Variants in ENOX1 observed in about 807,000 individuals in gnomAD.
ENOX1 encodes candidate growth-related and time keeping constitutive hydroquinone (NADH) oxidase.
Under a neutral mutation model 82.5 loss-of-function variants are expected in ENOX1, and 42 were observed. The observed-to-expected ratio is 0.51, with a 90% CI of 0.40 to 0.66. ENOX1 has a LOEUF of 0.66. ENOX1 is among the 30% of genes least tolerant of loss of function. The pLI is 0.00. For synonymous variants in ENOX1, 271 were observed against 282.2 expected (o/e 0.96, Z 0.40); for missense variants, 608 against 811.6 (o/e 0.75, Z 3.05).
At chr13:43,674,840 G>A (rs1254342500) in intron 1 of ENOX1, among the ~76,000 whole-genome samples, 1 of 152,104 alleles carries the variant, frequency 6.6e-6, no homozygotes, top group Non-Finnish European at 1.5e-5. Context: ...TGGGTTGTGG[G>A]GAGCTATATG....
At chr13:43,692,681 T>C (rs936589999) in intron 1 of ENOX1, among the ~76,000 whole-genome samples, 2 of 152,198 alleles carry the variant, frequency 1.3e-5, no homozygotes, top group African/African-American at 4.8e-5. Flanking sequence ...AAATTGCCTC[T>C]AAATTTATGT....
Position 43,322,394 on chromosome 13 carries a change from G to A in ENOX1, c.1251C>T (p.Val417=), listed in dbSNP as rs907386463. ...AGTTATCGGCATTACCTGATTCATCGACTCTCATTTTCTTTGTAGGGCTGT... is the reference window on the plus strand; with the variant it reads ...AGTTATCGGCATTACCTGATTCATCAACTCTCATTTTCTTTGTAGGGCTGT... ...NCDSPTKKMR[V]DESALAAQAY... Residue 417 remains valine, a synonymous_variant, in exon 11 of 17, where the codon GTC becomes GTT. Transcript: ENST00000690772. 6.1e-5 allele frequency: 99 copies of A among 1,613,120 alleles called. No homozygotes were observed. Among genetic ancestry groups the A allele is most frequent in the Non-Finnish European group, 8.2e-5 (97 of 1,179,410 alleles).
rs906219108 is a variant in ENOX1, at chr13:43,648,027, T to C, written c.-219+19452A>G. ...GGATCTCCCCCAAAGTCTTCAGCCA[T>C]GCTGACACTTTGATTTGAGCCCAGT... On this transcript the variant is annotated intron_variant, in intron 2 of 16. Coordinates refer to ENST00000690772, the MANE Select transcript of ENOX1 (RefSeq NM_001347969.2). 2.6e-5 allele frequency among the ~76,000 whole-genome samples: 4 copies of C among 152,194 alleles called. 1 individual carries two copies. The South Asian group carries it at 8.3e-4, about 32-fold the overall frequency.
At chr13:43,410,813 A>G (rs2054084661) in intron 5 of ENOX1, among the ~76,000 whole-genome samples, 2 of 152,146 alleles carry the variant, frequency 1.3e-5, no homozygotes, top group Admixed American at 1.3e-4. Flanking sequence ...TTTAATGAAC[A>G]CCATCTACCC....
intron 1 of ENOX1, among the ~76,000 whole-genome samples, chr13:43,764,101 C>T (rs1951136619): frequency 6.6e-6 from 1 of 152,196 alleles, no homozygotes; most frequent in Non-Finnish European, 1.5e-5. Context: ...GCTTAATAGG[C>T]ATCCTGTTTA....
chr13:43,415,036 C>T (rs1249879871), intron 3 of ENOX1, among the ~76,000 whole-genome samples: 7 of 152,114 alleles, frequency 4.6e-5, no homozygotes, highest in Middle Eastern at 3.2e-3. Flanking sequence ...GGAGACCCAT[C>T]GTTTCTACCT....
At chr13:43,227,127 G>A (rs1429006890) in intron 15 of ENOX1, among the ~76,000 whole-genome samples, 1 of 152,176 alleles carries the variant, frequency 6.6e-6, no homozygotes, top group African/African-American at 2.4e-5. Flanking sequence ...AGAGGAGGAT[G>A]GGGTGGGTTG....
chr13:43,619,347 T>A (rs1186376998), intron 2 of ENOX1, among the ~76,000 whole-genome samples: 3 of 152,152 alleles, frequency 2.0e-5, no homozygotes, highest in Non-Finnish European at 4.4e-5. Context: ...GAGAATGCTT[T>A]CAAGTTTTCC....
chr13:43,301,580 A>AC (rs869190447), intron 11 of ENOX1, among the ~76,000 whole-genome samples: 1 of 59,164 alleles, frequency 1.7e-5, no homozygotes, highest in Non-Finnish European at 3.8e-5. Context: ...TAATTCCCCC[A>AC]CCAAAAAAAA....
chr13:43,621,131 G>A (rs957820223), intron 2 of ENOX1, among the ~76,000 whole-genome samples: 4 of 152,120 alleles, frequency 2.6e-5, no homozygotes, highest in African/African-American at 9.7e-5. Flanking sequence ...GTTTATGTGA[G>A]TCCTTATGTG....
At position 43,751,697 on chromosome 13, in the gene ENOX1, T is replaced by C. The variant is rs572285204; in HGVS notation, c.-285+34955A>G. Among the ~76,000 whole-genome samples the C allele has an allele frequency of 1.1e-4, 16 of 152,328 alleles. No individual in the cohort carries two copies. In the East Asian group the frequency reaches 2.5e-3, roughly 24 times the overall value. On this transcript the variant is annotated intron_variant, in intron 1 of 16. Transcript: ENST00000690772. ...ATTATACTGAGATTCATACACAGTG[T>C]ATGAATCAACAGTTCGTTACATTTT...
intron 2 of ENOX1, among the ~76,000 whole-genome samples, chr13:43,652,973 T>C (rs1316852428): frequency 6.6e-6 from 1 of 152,224 alleles, no homozygotes; most frequent in Non-Finnish European, 1.5e-5. Context: ...CAAGGATGAC[T>C]GGAGCTCCCT....
rs544545972 is a variant in ENOX1, at chr13:43,676,849, A to G, written c.-284-9305T>C. ...TGTCAGGGCTAAAATCATGGTGGTC[A>G]TATGTGTTGCCTTCTTATGAAGATG... On this transcript the variant is annotated intron_variant, in intron 1 of 16. Transcript: ENST00000690772. Among the ~76,000 whole-genome samples, 5 of 152,302 alleles carry G rather than the reference A, an allele frequency of 3.3e-5. No homozygotes were observed. In the South Asian group the frequency reaches 1.0e-3, roughly 32 times the overall value.
Position 43,359,926 on chromosome 13 carries a change from G to A in ENOX1, c.514C>T (p.Arg172Trp). Residue 172 changes from arginine (R) to tryptophan (W), a missense_variant, in exon 7 of 17, where the codon CGG (arginine) becomes TGG (tryptophan). Physicochemically the swap from Arg to Trp is moderately radical, Grantham distance 101. Coordinates refer to ENST00000690772, the MANE Select transcript of ENOX1 (RefSeq NM_001347969.2). ...FEQCGDITAI[R>W]KSKKNFCHIR... is the part of the protein sequence containing the mutation. ...TGACAAAAATTCTTCTTGCTTTTCC[G>A]AATTGCTGTAATATCACCGCACTGT... 6 of 1,614,144 alleles carry A rather than the reference G, an allele frequency of 3.7e-6. No homozygotes were observed. Among genetic ancestry groups the A allele is most frequent in the Non-Finnish European group, 5.1e-6 (6 of 1,180,008 alleles).
chr13:43,742,172 T>C (rs533977338), intron 1 of ENOX1, among the ~76,000 whole-genome samples: 7 of 151,954 alleles, frequency 4.6e-5, no homozygotes, highest in East Asian at 3.9e-4. Context: ...AAGGAACCAA[T>C]AGATATATAG....
intron 9 of ENOX1, among the ~76,000 whole-genome samples, chr13:43,340,675 C>A (rs111478459): frequency 2.0e-5 from 3 of 152,204 alleles, no homozygotes; most frequent in African/African-American, 7.2e-5. Flanking sequence ...TGAGCTTTTT[C>A]TCTGATTTGC....
chr13:43,422,001 A>T (rs1417801559), intron 3 of ENOX1, among the ~76,000 whole-genome samples: 2 of 151,984 alleles, frequency 1.3e-5, no homozygotes, highest in Non-Finnish European at 2.9e-5. Flanking sequence ...AAGAAAAAAA[A>T]AAATCTCAGT....
At chr13:43,670,575 T>TG (rs2085209900) in intron 1 of ENOX1, among the ~76,000 whole-genome samples, 1 of 152,118 alleles carries the variant, frequency 6.6e-6, no homozygotes, top group Non-Finnish European at 1.5e-5. Flanking sequence ...AAAATAGGGC[T>TG]GGGAGCGGTG....
intron 3 of ENOX1, among the ~76,000 whole-genome samples, chr13:43,421,776 T>C (rs1333409363): frequency 6.6e-6 from 1 of 151,892 alleles, no homozygotes; most frequent in East Asian, 1.9e-4. Flanking sequence ...TAGTCATCTG[T>C]GCATACCCTG....
Sources: gnomAD v4.1 joint callset for allele counts (sites outside exome capture counted in the v4.1 genomes callset) on GRCh38, gnomAD v4.1.1 for gene constraint, MANE v1.5 for transcripts, NCBI Gene and HGNC (gene_info 2026-07-23, HGNC 2026-07-21) for gene names.